Variants in CHMP4C observed in about 807,000 individuals in gnomAD.
CHMP4C encodes the protein SNF7 homolog associated with Alix 3.
Under a neutral mutation model 29.0 loss-of-function variants are expected in CHMP4C, and 28 were observed. That is an observed-to-expected ratio of 0.97 (90% confidence interval 0.72 to 1.32). The LOEUF (loss-of-function observed/expected upper bound fraction) is 1.32. Ranked by LOEUF, CHMP4C falls within the 40% of genes most tolerant of loss-of-function variation. CHMP4C has a pLI of 0.00. For missense variants in CHMP4C, 291 were observed against 281.0 expected, an observed-to-expected ratio of 1.04 and a Z score of -0.25; for synonymous variants, 106 against 102.4, an observed-to-expected ratio of 1.04 and a Z score of -0.21.
At chr8:81,752,924 G>C (rs1808922677) in intron 1 of CHMP4C, 140 bp from the exon 2 acceptor site, 1 of 560,146 alleles carries the variant, frequency 1.8e-6, no homozygotes, top group African/African-American at 1.9e-5. Flanking sequence ...AATATGAGTT[G>C]TTTATTTCTC....
chr8:81,737,639 G>C (rs1808709211), intron 1 of CHMP4C, among the ~76,000 whole-genome samples: 1 of 152,166 alleles, frequency 6.6e-6, no homozygotes. Context: ...TCCCACATTT[G>C]ATTTCCATCC....
intron 1 of CHMP4C, among the ~76,000 whole-genome samples, chr8:81,741,505 T>C (rs1295129047): frequency 2.0e-5 from 3 of 152,116 alleles, no homozygotes; most frequent in Admixed American, 2.0e-4. Context: ...TTTCAGGTGA[T>C]TTTTTAAGAT....
chr8:81,741,602 T>A (rs2130479495), intron 1 of CHMP4C, among the ~76,000 whole-genome samples: 1 of 151,890 alleles, frequency 6.6e-6, no homozygotes, highest in South Asian at 2.1e-4. Flanking sequence ...GCTTTGGGGG[T>A]CAGCTTTGGA....
In CHMP4C at chr8:81,732,571, C is replaced by A; in HGVS notation, c.-56C>A. ...TTGCTCACCTGTCCCCTCGGCGCGG[C>A]CCCGGGGAGCTCCCGAGAGGCCCCC... On this transcript the variant is annotated 5_prime_UTR_variant, in exon 1 of 5. Transcript: ENST00000297265. 7.2e-7 allele frequency: 1 copy of A among 1,391,990 alleles called. No homozygotes were observed. Among genetic ancestry groups the A allele is most frequent in the South Asian group, 1.4e-5 (1 of 71,086 alleles). The allele number at this position is 1,391,990 out of a possible 1,614,324, so 86.2% of individuals were successfully genotyped here.
intron 1 of CHMP4C, among the ~76,000 whole-genome samples, chr8:81,745,932 G>T (rs2130484821): frequency 6.6e-6 from 1 of 152,174 alleles, no homozygotes; most frequent in East Asian, 1.9e-4. Context: ...TGTCCTTTTT[G>T]GCCAAATCAG....
intron 3 of CHMP4C, among the ~76,000 whole-genome samples, chr8:81,756,804 A>AT (rs1266865843): frequency 6.6e-6 from 1 of 152,124 alleles, no homozygotes; most frequent in Non-Finnish European, 1.5e-5. Flanking sequence ...TTGTTCTGCC[A>AT]TTACTATATT....
intron 1 of CHMP4C, among the ~76,000 whole-genome samples, chr8:81,744,399 G>A (rs1289264820): frequency 6.6e-6 from 1 of 152,140 alleles, no homozygotes; most frequent in African/African-American, 2.4e-5. Context: ...TTATCAATGT[G>A]TTGAGTATAC....
At chr8:81,737,924 G>C (rs1808714811) in intron 1 of CHMP4C, among the ~76,000 whole-genome samples, 2 of 152,278 alleles carry the variant, frequency 1.3e-5, no homozygotes, top group South Asian at 4.1e-4. Flanking sequence ...GTCCTCTGAA[G>C]GCCTTTCACA....
chr8:81,750,700 T>A (rs1350070768), intron 1 of CHMP4C, among the ~76,000 whole-genome samples: 1 of 152,022 alleles, frequency 6.6e-6, no homozygotes, highest in Non-Finnish European at 1.5e-5. Context: ...TTTCAGGGTG[T>A]GTGTGTAATT....
In CHMP4C at chr8:81,747,982, C is replaced by T. The variant is rs28679782; in HGVS notation, c.191-5082C>T. The stretch of plus-strand genomic sequence containing the variant: ...TAAGCCTGGGAGCGCTATGGGAGAC[C>T]GGAGTCTATCTCACCTCTGCAATCT... On this transcript the variant is annotated intron_variant, in intron 1 of 4. Transcript: ENST00000297265. Among the ~76,000 whole-genome samples the T allele has an allele frequency of 9.7e-3, 1,475 of 152,142 alleles. 24 individuals carry two copies. Among genetic ancestry groups the T allele is most frequent in the African/African-American group, 0.034 (1,393 of 41,492 alleles).
chr8:81,734,767 T>C (rs964334154), intron 1 of CHMP4C, among the ~76,000 whole-genome samples: 45 of 152,168 alleles, frequency 3.0e-4, no homozygotes, highest in East Asian at 3.8e-4. Flanking sequence ...CAATTGGCAA[T>C]GCACAAAAAT....
intron 1 of CHMP4C, among the ~76,000 whole-genome samples, chr8:81,744,152 A>G (rs1585943217): frequency 6.6e-6 from 1 of 152,308 alleles, no homozygotes; most frequent in Middle Eastern, 3.4e-3. Flanking sequence ...TGTGACATTT[A>G]ATATTGATGA....
intron 2 of CHMP4C, among the ~76,000 whole-genome samples, chr8:81,753,862 A>G (rs1585947562): frequency 6.6e-6 from 1 of 152,122 alleles, no homozygotes; most frequent in East Asian, 1.9e-4. Flanking sequence ...CCTCGTGGTT[A>G]TTGTGAGATT....
At chr8:81,757,231 G>C (rs985361717) in intron 3 of CHMP4C, among the ~76,000 whole-genome samples, 1 of 152,124 alleles carries the variant, frequency 6.6e-6, no homozygotes, top group Non-Finnish European at 1.5e-5. Flanking sequence ...ATCTGCCCAG[G>C]AGTGAGTGCT....
intron 3 of CHMP4C, among the ~76,000 whole-genome samples, chr8:81,757,305 A>G (rs1808984850): frequency 6.6e-6 from 1 of 152,142 alleles, no homozygotes; most frequent in Non-Finnish European, 1.5e-5. Flanking sequence ...ATGAAAGAAA[A>G]ATCTACTTGG....
chr8:81,741,167 T>A (rs888281048), intron 1 of CHMP4C, among the ~76,000 whole-genome samples: 1 of 151,954 alleles, frequency 6.6e-6, no homozygotes, highest in African/African-American at 2.4e-5. Context: ...TTACATCTAG[T>A]TTTTTTTCAT....
Position 81,742,751 on chromosome 8 carries a change from G to T in CHMP4C, c.190+9935G>T, listed in dbSNP as rs192795056. ...AATATAACCTTGGAGTTTGAACAAAGATATTATTGTAACTCAAAACTTCTA... is the reference window on the plus strand; with the variant it reads ...AATATAACCTTGGAGTTTGAACAAATATATTATTGTAACTCAAAACTTCTA... On this transcript the variant is annotated intron_variant, in intron 1 of 4. Coordinates refer to ENST00000297265, the MANE Select transcript of CHMP4C (RefSeq NM_152284.4). Among the ~76,000 whole-genome samples, 53 of 152,066 alleles carry T rather than the reference G, an allele frequency of 3.5e-4. 1 individual carries two copies. Among genetic ancestry groups the T allele is most frequent in the Admixed American group, 3.2e-3 (49 of 15,250 alleles).
intron 1 of CHMP4C, among the ~76,000 whole-genome samples, chr8:81,748,685 C>T (rs376056457): frequency 6.6e-6 from 1 of 151,956 alleles, no homozygotes. Context: ...CACCTGTAAT[C>T]CCAGCAGGCC....
At chr8:81,749,708 C>T (rs1808872673) in intron 1 of CHMP4C, among the ~76,000 whole-genome samples, 1 of 152,158 alleles carries the variant, frequency 6.6e-6, no homozygotes, top group Admixed American at 6.6e-5. Context: ...GTTCCCTCAC[C>T]TGCATGACAA....
Sources: allele counts gnomAD v4.1 joint callset (sites outside exome capture counted in the v4.1 genomes callset), GRCh38; gene constraint gnomAD v4.1.1; transcripts MANE v1.5; gene names NCBI Gene and HGNC (gene_info 2026-07-23, HGNC 2026-07-21).